The following AGBL4 variants were observed in gnomAD, a reference collection of about 807,000 sequenced individuals.
The protein encoded by AGBL4 is cytosolic carboxypeptidase 6.
In AGBL4, 58 loss-of-function variants were observed where a neutral mutation model predicts 66.4. That is an observed-to-expected ratio of 0.87 (90% confidence interval 0.71 to 1.09). The LOEUF is 1.09. Among genes scored for constraint, AGBL4 ranks in the 50% least tolerant of loss-of-function variants. The pLI, the probability that AGBL4 is intolerant of heterozygous loss-of-function variation, is 0.00. For missense variants in AGBL4, 579 were observed against 631.0 expected, an observed-to-expected ratio of 0.92 and a Z score of 0.88; for synonymous variants, 234 against 222.9, an observed-to-expected ratio of 1.05 and a Z score of -0.44.
chr1:49,822,310 CGTGTGTGTGT>C (rs143957066), intron 2 of AGBL4, among the ~76,000 whole-genome samples: 34 of 145,888 alleles, frequency 2.3e-4, no homozygotes, highest in African/African-American at 8.0e-4. Context: ...CTTCTTTCTT[CGTGTGTGTGT>C]GTGTGTGTGT....
chr1:49,415,976 A>G (rs1360816260), intron 3 of AGBL4, among the ~76,000 whole-genome samples: 2 of 152,116 alleles, frequency 1.3e-5, no homozygotes, highest in Non-Finnish European at 2.9e-5. Context: ...ACGATATTCT[A>G]CACAACCTTG....
At chr1:48,609,965 A>T (rs1428977413) in intron 9 of AGBL4, among the ~76,000 whole-genome samples, 1 of 152,194 alleles carries the variant, frequency 6.6e-6, no homozygotes, top group Non-Finnish European at 1.5e-5. Context: ...CAGACCTTGA[A>T]ATAAAAGAGA....
At chr1:48,972,751 G>A (rs974968650) in intron 5 of AGBL4, among the ~76,000 whole-genome samples, 21 of 152,112 alleles carry the variant, frequency 1.4e-4, no homozygotes, top group African/African-American at 4.6e-4. Flanking sequence ...GGGTTAGAAA[G>A]AATTGTTCAT....
intron 5 of AGBL4, among the ~76,000 whole-genome samples, chr1:48,895,020 T>C (rs1570943320): frequency 6.6e-6 from 1 of 152,200 alleles, no homozygotes; most frequent in Non-Finnish European, 1.5e-5. Context: ...TTAATTTCCT[T>C]GGACTTAGCA....
At chr1:49,882,712 T>C (rs1285267013) in intron 1 of AGBL4, among the ~76,000 whole-genome samples, 2 of 152,226 alleles carry the variant, frequency 1.3e-5, no homozygotes, top group Non-Finnish European at 2.9e-5. Context: ...TGTATAGGAA[T>C]GCTTGTGATT....
intron 10 of AGBL4, among the ~76,000 whole-genome samples, chr1:48,587,499 G>GC (rs1227072288): frequency 6.6e-6 from 1 of 151,814 alleles, no homozygotes; most frequent in Non-Finnish European, 1.5e-5. Context: ...ATGGTGGTGT[G>GC]CACCTGTAGT....
At chr1:49,558,509 T>A (rs192076582) in intron 3 of AGBL4, among the ~76,000 whole-genome samples, 95 of 152,074 alleles carry the variant, frequency 6.2e-4, no homozygotes, top group African/African-American at 2.2e-3. Flanking sequence ...CCCAGCTAAT[T>A]TCTGTATTTT....
At chr1:49,557,190 G>T (rs946535317) in intron 3 of AGBL4, among the ~76,000 whole-genome samples, 1 of 152,172 alleles carries the variant, frequency 6.6e-6, no homozygotes, top group Non-Finnish European at 1.5e-5. Context: ...TTCCTCAAGT[G>T]CTGCCAGAGC....
intron 5 of AGBL4, among the ~76,000 whole-genome samples, chr1:48,989,216 T>G (rs940483396): frequency 6.6e-6 from 1 of 152,176 alleles, no homozygotes; most frequent in Admixed American, 6.5e-5. Flanking sequence ...CATTCTTTTC[T>G]TTTAATTTAA....
chr1:48,549,539 G>T lies in AGBL4; in HGVS notation c.1268-9801C>A, dbSNP rs564598070. On this transcript the variant is annotated intron_variant, in intron 11 of 13. Coordinates refer to ENST00000371839, the MANE Select transcript of AGBL4 (RefSeq NM_032785.4). Reference sequence around the variant, plus strand: ...TGGATTAGAGGGTCAGGGAGAGACAGCAGGAGAGAGGAAGAGACAAAGAGG... The same window carrying T: ...TGGATTAGAGGGTCAGGGAGAGACATCAGGAGAGAGGAAGAGACAAAGAGG... Among the ~76,000 whole-genome samples, 3 of 152,240 alleles carry T rather than the reference G, an allele frequency of 2.0e-5. No individual in the cohort carries two copies. In the East Asian group the frequency reaches 5.8e-4, roughly 29 times the overall value.
chr1:48,714,563 C>A (rs918258882), intron 6 of AGBL4, among the ~76,000 whole-genome samples: 1 of 152,234 alleles, frequency 6.6e-6, no homozygotes, highest in African/African-American at 2.4e-5. Flanking sequence ...ATTAAGCCCC[C>A]TCGTTTCTGT....
intron 3 of AGBL4, among the ~76,000 whole-genome samples, chr1:49,316,905 A>G (rs1248063087): frequency 6.6e-6 from 1 of 151,908 alleles, no homozygotes. Context: ...TTCCTTTAGA[A>G]GCACCTTAGA....
At chr1:49,810,173 A>G (rs1209781003) in intron 2 of AGBL4, among the ~76,000 whole-genome samples, 2 of 152,142 alleles carry the variant, frequency 1.3e-5, no homozygotes, top group African/African-American at 2.4e-5. Context: ...AGTACCAGAC[A>G]CAAAGTCACA....
At chr1:49,538,216 A>AT (rs1268826774) in intron 3 of AGBL4, among the ~76,000 whole-genome samples, 1 of 152,224 alleles carries the variant, frequency 6.6e-6, no homozygotes, top group African/African-American at 2.4e-5. Flanking sequence ...GAATCAGTGG[A>AT]TGACTGGAGA....
intron 5 of AGBL4, among the ~76,000 whole-genome samples, chr1:48,888,992 T>A (rs914184120): frequency 1.3e-5 from 2 of 152,236 alleles, no homozygotes; most frequent in African/African-American, 4.8e-5. Context: ...AAGCCTAGTT[T>A]ATTTCCAGAC....
At chr1:49,391,550 GT>G (rs1182720692) in intron 3 of AGBL4, among the ~76,000 whole-genome samples, 122 of 124,376 alleles carry the variant, frequency 9.8e-4, no homozygotes, top group African/African-American at 2.3e-3. Flanking sequence ...ATAACCATGA[GT>G]TTTTTTTTTT....
At chr1:49,820,100 G>C (rs1316769268) in intron 2 of AGBL4, among the ~76,000 whole-genome samples, 1 of 152,128 alleles carries the variant, frequency 6.6e-6, no homozygotes, top group Non-Finnish European at 1.5e-5. Flanking sequence ...TGAATTATGA[G>C]GGTGTCATGG....
intron 4 of AGBL4, among the ~76,000 whole-genome samples, chr1:49,081,642 C>T (rs2147957543): frequency 6.6e-6 from 1 of 152,338 alleles, no homozygotes; most frequent in East Asian, 1.9e-4. Flanking sequence ...TCCTCTGCTT[C>T]TTCCCCTATG....
intron 4 of AGBL4, among the ~76,000 whole-genome samples, chr1:49,069,428 C>T (rs1371660935): frequency 1.3e-5 from 2 of 150,262 alleles, no homozygotes; most frequent in Non-Finnish European, 1.5e-5. Flanking sequence ...AGGAAGGGAT[C>T]CAGTTTCAGC....
Sources: allele counts gnomAD v4.1 joint callset (sites outside exome capture counted in the v4.1 genomes callset), GRCh38; gene constraint gnomAD v4.1.1; transcripts MANE v1.5; gene names NCBI Gene and HGNC (gene_info 2026-07-23, HGNC 2026-07-21).